Variants in FOXRED2 observed in about 807,000 individuals in gnomAD.
The protein encoded by FOXRED2 is FAD dependent oxidoreductase domain containing 2, also known as FAD-dependent oxidoreductase domain-containing protein 2.
A neutral mutation model predicts 52.5 loss-of-function variants in FOXRED2; 32 were observed. That is an observed-to-expected ratio of 0.61 (90% CI 0.46 to 0.82). The LOEUF is 0.82. Among genes scored for constraint, FOXRED2 ranks in the 40% least tolerant of loss-of-function variants. FOXRED2 has a pLI of 0.00. For missense variants in FOXRED2, 848 were observed against 937.5 expected (o/e 0.90, Z 1.25); for synonymous variants, 405 against 398.1 (o/e 1.02, Z -0.21).
At chr22:36,505,392 G>A (rs1934163821) in intron 2 of FOXRED2, among the ~76,000 whole-genome samples, 1 of 152,232 alleles carries the variant, frequency 6.6e-6, no homozygotes, top group South Asian at 2.1e-4. Flanking sequence ...CATTGGTGAG[G>A]ATCGCCATCC....
chr22:36,497,942 C>G, intron 6 of FOXRED2, 49 bp downstream of exon 6: 2 of 1,579,992 alleles, frequency 1.3e-6, no homozygotes, highest in Non-Finnish European at 1.7e-6. Context: ...CTATGCAGCA[C>G]GTCGGGAAAG....
chr22:36,504,613 C>T lies in FOXRED2; in HGVS notation c.681G>A (p.Glu227=), dbSNP rs568610182. ...LILGRGNSAF[E]TAENILGVTN... ...TGACACCCAAGATGTTCTCTGCTGTCTCAAAGGCCGAGTTCCCACGACCCA... is the reference window on the plus strand; with the variant it reads ...TGACACCCAAGATGTTCTCTGCTGTTTCAAAGGCCGAGTTCCCACGACCCA... The change falls in exon 3 of 9, where the codon GAG becomes GAA. Residue 227 remains glutamate, a synonymous_variant. Coordinates refer to ENST00000397224, the MANE Select transcript of FOXRED2 (RefSeq NM_001102371.2). 3.3e-5 allele frequency: 53 copies of T among 1,614,190 alleles called. No individual in the cohort carries two copies. In the South Asian group the frequency reaches 5.5e-4, roughly 17 times the overall value.
intron 2 of FOXRED2, 26 bp downstream of exon 2, chr22:36,505,870 C>A: frequency 6.3e-7 from 1 of 1,597,998 alleles, no homozygotes; most frequent in Non-Finnish European, 8.6e-7. Context: ...CCAGCTTCCG[C>A]AGGTGAGCTC....
chr22:36,500,133 A>G (rs1012096339), intron 5 of FOXRED2, among the ~76,000 whole-genome samples: 6 of 152,168 alleles, frequency 3.9e-5, no homozygotes, highest in African/African-American at 1.2e-4. Flanking sequence ...CTCCACAGAA[A>G]GGGCACCAGT....
chr22:36,492,946 C>T (rs528568444), intron 8 of FOXRED2, among the ~76,000 whole-genome samples: 1 of 152,346 alleles, frequency 6.6e-6, no homozygotes, highest in South Asian at 2.1e-4. Flanking sequence ...AGATTTTTCT[C>T]TCCCACTCTA....
At chr22:36,497,226 G>A (rs1437921876) in intron 6 of FOXRED2, among the ~76,000 whole-genome samples, 3 of 151,770 alleles carry the variant, frequency 2.0e-5, no homozygotes, top group African/African-American at 7.3e-5. Flanking sequence ...TGTAATCCCA[G>A]CTACTTAGGA....
chr22:36,494,194 G>A (rs369236624), intron 7 of FOXRED2, among the ~76,000 whole-genome samples: 7 of 152,260 alleles, frequency 4.6e-5, no homozygotes, highest in African/African-American at 1.2e-4. Flanking sequence ...TAGGCTCACC[G>A]CAACCTCTAC....
chr22:36,503,610 C>G (rs1452413550), intron 4 of FOXRED2, among the ~76,000 whole-genome samples: 1 of 152,118 alleles, frequency 6.6e-6, no homozygotes, highest in East Asian at 1.9e-4. Flanking sequence ...CGCACCCAGC[C>G]TCCAAGCATA....
intron 7 of FOXRED2, among the ~76,000 whole-genome samples, chr22:36,494,674 C>T (rs191238810): frequency 6.6e-6 from 1 of 152,194 alleles, no homozygotes; most frequent in East Asian, 1.9e-4. Context: ...GAGTCTCGCT[C>T]TGTCTCCCAG....
rs768963968 is a variant in FOXRED2 at position 36,490,243 on chromosome 22, G to T, written c.1820C>A (p.Thr607Lys). ...GCAAAAGGGTGGCAACTTCTGGCGC[G>T]TGAGGGCGAACAGGAAGCAGGACTC... ...YAESCFLFAL[T>K]RQKLPPFCQQ... The change falls in exon 9 of 9, where the codon ACG (threonine) becomes AAG (lysine). Residue 607 changes from threonine to lysine, a missense_variant. Transcript: ENST00000397224. 6.8e-6 allele frequency: 11 copies of T among 1,611,320 alleles called. No individual in the cohort carries two copies. Among genetic ancestry groups the T allele is most frequent in the Non-Finnish European group, 8.5e-6 (10 of 1,178,224 alleles).
intron 5 of FOXRED2, 27 bp downstream of exon 5, chr22:36,501,214 C>T: frequency 6.2e-7 from 1 of 1,610,970 alleles, no homozygotes; most frequent in Admixed American, 1.7e-5. Context: ...CGTCTGGGGA[C>T]AGTTCTGCCT....
At chr22:36,495,823 G>A in intron 7 of FOXRED2, 144 bp downstream of exon 7, 1 of 857,962 alleles carries the variant, frequency 1.2e-6, no homozygotes, top group South Asian at 1.6e-5. Flanking sequence ...CGGACCTTCT[G>A]CCCAAGTGGT....
rs549561103 is a variant in FOXRED2 at position 36,490,879 on chromosome 22, G to A, written c.1796-612C>T. On this transcript the variant is annotated intron_variant, in intron 8 of 8. Coordinates refer to ENST00000397224, the MANE Select transcript of FOXRED2 (RefSeq NM_001102371.2). ...CATGTAGAAATATGAAGAAACGGCC[G>A]GGCGTGGTGGCTCACGCCTTAATCC... 2.4e-4 allele frequency among the ~76,000 whole-genome samples: 36 copies of A among 152,324 alleles called. No homozygotes were observed. The Middle Eastern group carries it at 0.01, about 43-fold the overall frequency.
intron 8 of FOXRED2, among the ~76,000 whole-genome samples, chr22:36,490,795 A>G (rs180943277): frequency 2.0e-5 from 3 of 152,356 alleles, no homozygotes; most frequent in Non-Finnish European, 4.4e-5. Flanking sequence ...CTGTCCCACA[A>G]CAGAAAGCTG....
chr22:36,489,648 C>G lies in FOXRED2; in HGVS notation c.*360G>C, dbSNP rs137960935. The G allele has an allele frequency of 7.3e-5, 15 of 206,570 alleles. No homozygotes were observed. In the South Asian group the frequency reaches 2.4e-3, roughly 33 times the overall value. 12.8% of individuals were successfully genotyped at this position (206,570 alleles called of 1,614,324 possible). ...TTTCCCCTGTGAAGCACTCCACAGG[C>G]GGGATGCAGGCCCATCTGAGGAGGG... On this transcript the variant is annotated 3_prime_UTR_variant, in exon 9 of 9. Transcript: ENST00000397224.
intron 6 of FOXRED2, among the ~76,000 whole-genome samples, chr22:36,496,627 C>T (rs1188225435): frequency 6.6e-6 from 1 of 152,168 alleles, no homozygotes; most frequent in Non-Finnish European, 1.5e-5. Flanking sequence ...TCGTCTGGCC[C>T]GAGAGGTGAC....
intron 7 of FOXRED2, among the ~76,000 whole-genome samples, chr22:36,494,276 C>G (rs954740759): frequency 1.3e-5 from 2 of 151,660 alleles, no homozygotes; most frequent in African/African-American, 4.9e-5. Flanking sequence ...GCCACCACAC[C>G]GAGCTCATAT....
At chr22:36,495,903 A>C in intron 7 of FOXRED2, 64 bp downstream of exon 7, 1 of 1,576,220 alleles carries the variant, frequency 6.3e-7, no homozygotes, top group Non-Finnish European at 8.7e-7. Context: ...AGGGTGGGTG[A>C]CAACCTTGCA....
chr22:36,506,019 G>A lies in FOXRED2; in HGVS notation c.404C>T (p.Thr135Met), dbSNP rs1324108365. 1.1e-5 allele frequency: 18 copies of A among 1,614,256 alleles called. No individual in the cohort carries two copies. In the East Asian group the frequency reaches 4.0e-4, roughly 36 times the overall value. Residue 135 changes from threonine (T) to methionine (M), a missense_variant, in exon 2 of 9, where the codon ACG becomes ATG. Coordinates refer to ENST00000397224, the MANE Select transcript of FOXRED2 (RefSeq NM_001102371.2). ...MVRYLGDFAD[T>M]LGLRVQYNTT... ...GTTGTACTGGACACGGAGCCCCAGC[G>A]TGTCCGCGAAGTCACCCAGGTAGCG...
Sources: gnomAD v4.1 joint callset for allele counts (sites outside exome capture counted in the v4.1 genomes callset) on GRCh38, gnomAD v4.1.1 for gene constraint, MANE v1.5 for transcripts, NCBI Gene and HGNC (gene_info 2026-07-23, HGNC 2026-07-21) for gene names.